TSGA10: variants seen among roughly 807,000 people sequenced by gnomAD.
TSGA10 encodes testis-specific gene 10 protein.
In TSGA10, 43 loss-of-function variants were observed where a neutral mutation model predicts 96.6. The ratio of observed to expected loss-of-function variants is 0.44; its 90% CI spans 0.35 to 0.57. The LOEUF is 0.57. Among genes scored for constraint, TSGA10 ranks in the 20% least tolerant of loss-of-function variants. TSGA10 has a pLI of 0.01. For missense variants in TSGA10, 703 were observed against 834.4 expected, an observed-to-expected ratio of 0.84 and a Z score of 1.94; for synonymous variants, 229 against 269.9, an observed-to-expected ratio of 0.85 and a Z score of 1.48.
At chr2:99,080,808 A>G (rs986394829) in intron 11 of TSGA10, among the ~76,000 whole-genome samples, 3 of 152,200 alleles carry the variant, frequency 2.0e-5, no homozygotes, top group Admixed American at 6.5e-5. Context: ...AACAAGAAAC[A>G]TAAATAAGAA....
intron 10 of TSGA10, chr2:99,102,869 A>G: frequency 2.7e-6 from 2 of 750,098 alleles, no homozygotes; most frequent in Non-Finnish European, 4.7e-6. Flanking sequence ...AAAGCATCAT[A>G]GTCCTTTTAT....
intron 1 of TSGA10, chr2:99,150,751 A>T (rs1288397143): frequency 6.2e-7 from 1 of 1,613,972 alleles, no homozygotes; most frequent in East Asian, 2.2e-5. Context: ...AGGGACTGGC[A>T]CAGGATCTCT....
chr2:99,063,504 C>T (rs2084920146), intron 16 of TSGA10, among the ~76,000 whole-genome samples: 2 of 151,858 alleles, frequency 1.3e-5, no homozygotes, highest in Admixed American at 6.6e-5. Flanking sequence ...TAGAGAATTC[C>T]GTTAAAAATC....
chr2:99,137,068 G>A lies in TSGA10; in HGVS notation c.-620-9892C>T, dbSNP rs183272098. On this transcript the variant is annotated intron_variant, in intron 1 of 20. Coordinates refer to ENST00000393483, the MANE Select transcript of TSGA10 (RefSeq NM_025244.4). The stretch of plus-strand genomic sequence containing the variant: ...GGCTGGAGTGCAGTGGTATGATCTC[G>A]GCTCACTGGAACCTCCACCTCCCAG... Among the ~76,000 whole-genome samples the A allele has an allele frequency of 3.6e-3, 526 of 145,902 alleles. 1 individual carries two copies. Among genetic ancestry groups the A allele is most frequent in the Non-Finnish European group, 5.0e-3 (337 of 67,108 alleles).
chr2:99,067,467 T>C (rs2085393339), intron 15 of TSGA10, among the ~76,000 whole-genome samples: 1 of 152,202 alleles, frequency 6.6e-6, no homozygotes, highest in South Asian at 2.1e-4. Context: ...CTAAAAGTTA[T>C]AATCCCTAAT....
At chr2:99,068,415 A>T (rs888203475) in intron 15 of TSGA10, among the ~76,000 whole-genome samples, 3 of 152,118 alleles carry the variant, frequency 2.0e-5, no homozygotes, top group African/African-American at 7.2e-5. Flanking sequence ...CACTTATTGG[A>T]GTCATCTGAT....
intron 16 of TSGA10, among the ~76,000 whole-genome samples, chr2:99,054,410 T>C (rs2083751875): frequency 6.6e-6 from 1 of 152,176 alleles, no homozygotes; most frequent in Non-Finnish European, 1.5e-5. Flanking sequence ...ACGGTAAAAC[T>C]GCTAGAAGAA....
intron 2 of TSGA10, chr2:99,125,199 G>A (rs1324770678): frequency 3.3e-5 from 5 of 152,194 alleles, no homozygotes; most frequent in South Asian, 2.1e-4. Context: ...TCATGGCTAC[G>A]TAGCTCATTT....
intron 20 of TSGA10, among the ~76,000 whole-genome samples, chr2:99,002,797 C>T (rs1200158137): frequency 6.6e-6 from 1 of 151,534 alleles, no homozygotes; most frequent in Non-Finnish European, 1.5e-5. Context: ...GAAGGTCTAA[C>T]AAGCAAATGG....
At chr2:99,071,382 T>TA (rs199933101) in intron 14 of TSGA10, among the ~76,000 whole-genome samples, 2,732 of 131,310 alleles carry the variant, frequency 0.021, 33 homozygotes, top group Middle Eastern at 0.029. Flanking sequence ...GTCCATTTTT[T>TA]TAAAAAAAAA....
intron 20 of TSGA10, among the ~76,000 whole-genome samples, chr2:99,008,747 T>C (rs181763211): frequency 2.7e-3 from 407 of 152,300 alleles, no homozygotes; most frequent in South Asian, 6.0e-3. Flanking sequence ...TGTTTGTAAT[T>C]GCAAATTATT....
intron 4 of TSGA10, among the ~76,000 whole-genome samples, chr2:99,114,334 T>G (rs1479785983): frequency 3.3e-5 from 5 of 152,196 alleles, no homozygotes; most frequent in Admixed American, 3.3e-4. Context: ...CTGGAGTTCA[T>G]ATCCCCAGTG....
chr2:99,135,870 G>A (rs1476725080), intron 1 of TSGA10, among the ~76,000 whole-genome samples: 1 of 152,094 alleles, frequency 6.6e-6, no homozygotes, highest in African/African-American at 2.4e-5. Context: ...TTAGCTGGGT[G>A]TGGTGGCAGG....
intron 2 of TSGA10, among the ~76,000 whole-genome samples, chr2:99,119,526 T>C (rs192641035): frequency 1.7e-3 from 254 of 152,312 alleles, no homozygotes; most frequent in Non-Finnish European, 2.6e-3. Context: ...AGGGGAGTTA[T>C]TGAAATGTAC....
At chr2:99,078,271 GAAAA>G (rs200891345) in intron 12 of TSGA10, among the ~76,000 whole-genome samples, 3 of 81,470 alleles carry the variant, frequency 3.7e-5, no homozygotes, top group Non-Finnish European at 5.0e-5. Context: ...ACTCCCGTTT[GAAAA>G]AAAAAAAAAA....
Position 99,073,631 on chromosome 2 carries a change from CTAA to C in TSGA10, c.883-561_883-559del, listed in dbSNP as rs560450792. ...TATACTACTGATATTTAGGTGAGAG[CTAA>C]TAAGAAGGTAAGCATTAGGCCTCGA... On this transcript the variant is annotated intron_variant, in intron 12 of 20. Transcript: ENST00000393483. Among the ~76,000 whole-genome samples, 6 of 152,190 alleles carry C rather than the reference CTAA, an allele frequency of 3.9e-5. No individual in the cohort carries two copies. In the East Asian group the frequency reaches 1.2e-3, roughly 29 times the overall value.
chr2:99,049,871 A>G (rs1231775933), intron 16 of TSGA10, among the ~76,000 whole-genome samples: 1 of 152,208 alleles, frequency 6.6e-6, no homozygotes. Context: ...ATGGTAATTC[A>G]AAACCACACA....
intron 20 of TSGA10, among the ~76,000 whole-genome samples, chr2:99,017,716 G>A (rs1210766678): frequency 6.8e-6 from 1 of 147,790 alleles, no homozygotes; most frequent in Non-Finnish European, 1.5e-5. Context: ...AGTGAGCCGA[G>A]ATCCCGCCAC....
chr2:99,089,202 G>A (rs1426935989), intron 10 of TSGA10, among the ~76,000 whole-genome samples: 1 of 152,184 alleles, frequency 6.6e-6, no homozygotes, highest in Non-Finnish European at 1.5e-5. Context: ...ACTTTAGAGA[G>A]CCAAGCGAAA....
Sources: allele counts gnomAD v4.1 joint callset (sites outside exome capture counted in the v4.1 genomes callset), GRCh38; gene constraint gnomAD v4.1.1; transcripts MANE v1.5; gene names NCBI Gene and HGNC (gene_info 2026-07-23, HGNC 2026-07-21).